RIMS2: variants seen among roughly 807,000 people sequenced by gnomAD.
RIMS2 encodes regulating synaptic membrane exocytosis 2, also known as regulating synaptic membrane exocytosis protein 2.
In RIMS2, 59 loss-of-function variants were observed where a neutral mutation model predicts 174.4. That is an observed-to-expected ratio of 0.34 (90% CI 0.27 to 0.42). RIMS2 has a LOEUF of 0.42. RIMS2 is among the 10% of genes least tolerant of loss of function. The pLI is 1.00. For synonymous variants in RIMS2, 606 were observed against 572.5 expected (o/e 1.06, Z -0.84); for missense variants, 1,620 against 1,666.3 (o/e 0.97, Z 0.48).
intron 1 of RIMS2, among the ~76,000 whole-genome samples, chr8:103,614,072 C>A (rs1029047668): frequency 1.3e-5 from 2 of 152,216 alleles, no homozygotes; most frequent in African/African-American, 4.8e-5. Flanking sequence ...CCTCCTTAGT[C>A]CTCTGGCTCT....
chr8:104,220,382 C>A (rs1174198757), intron 19 of RIMS2, among the ~76,000 whole-genome samples: 2 of 152,154 alleles, frequency 1.3e-5, no homozygotes. Context: ...AGACTAACTT[C>A]TTCTTGGTTC....
At chr8:104,161,229 G>A (rs770065304) in intron 19 of RIMS2, among the ~76,000 whole-genome samples, 1 of 152,080 alleles carries the variant, frequency 6.6e-6, no homozygotes, top group Admixed American at 6.6e-5. Context: ...ATTCCTTCCA[G>A]CATTGTTGCC....
chr8:104,227,278 G>GTT (rs60840616), intron 19 of RIMS2, among the ~76,000 whole-genome samples: 7 of 132,008 alleles, frequency 5.3e-5, no homozygotes, highest in African/African-American at 1.4e-4. Context: ...AATCTCTGAG[G>GTT]TTTTTTTTTT....
At chr8:103,585,605 C>T (rs2093871502) in intron 1 of RIMS2, among the ~76,000 whole-genome samples, 1 of 151,930 alleles carries the variant, frequency 6.6e-6, no homozygotes, top group African/African-American at 2.4e-5. Flanking sequence ...AGCTGGAAAC[C>T]ACCATTCTCA....
At chr8:104,238,265 A>G (rs745975030) in intron 19 of RIMS2, among the ~76,000 whole-genome samples, 9 of 151,944 alleles carry the variant, frequency 5.9e-5, no homozygotes, top group Non-Finnish European at 1.2e-4. Flanking sequence ...ACAGGGACAC[A>G]GGGAGGGGAA....
intron 1 of RIMS2, among the ~76,000 whole-genome samples, chr8:103,549,619 A>T (rs1846732040): frequency 6.6e-6 from 1 of 152,182 alleles, no homozygotes; most frequent in East Asian, 1.9e-4. Context: ...CACACATAAC[A>T]ATATTAACCT....
intron 19 of RIMS2, among the ~76,000 whole-genome samples, chr8:104,025,128 G>A (rs2096219873): frequency 6.6e-6 from 1 of 152,118 alleles, no homozygotes. Flanking sequence ...TTTATTATTT[G>A]CCGTGTAGAT....
intron 1 of RIMS2, among the ~76,000 whole-genome samples, chr8:103,593,659 G>T (rs184368104): frequency 6.6e-5 from 10 of 151,484 alleles, no homozygotes; most frequent in African/African-American, 1.9e-4. Context: ...CTTCTACTAA[G>T]CTAGACCTTA....
intron 14 of RIMS2, 61 bp from the exon 17 acceptor site, chr8:103,961,004 T>C: frequency 2.3e-6 from 2 of 865,356 alleles, no homozygotes; most frequent in Admixed American, 1.8e-5. Context: ...TTCAGGTGTT[T>C]GAGGAATTTT....
At chr8:103,779,303 T>C (rs1276708348) in intron 3 of RIMS2, among the ~76,000 whole-genome samples, 5 of 152,206 alleles carry the variant, frequency 3.3e-5, no homozygotes, top group Admixed American at 6.5e-5. Context: ...TTTGAGGCCT[T>C]ATTCAAAATC....
intron 1 of RIMS2, among the ~76,000 whole-genome samples, chr8:103,523,140 TGA>T (rs1832518439): frequency 2.0e-5 from 3 of 151,040 alleles, no homozygotes; most frequent in Admixed American, 2.0e-4. Context: ...GTGTGCAGTA[TGA>T]GAGATACAGA....
chr8:104,148,772 T>C, intron 19 of RIMS2: 1 of 1,598,422 alleles, frequency 6.3e-7, no homozygotes, highest in Non-Finnish European at 8.5e-7. Context: ...AGCGGCGCTC[T>C]AGCCTTGGTG....
intron 19 of RIMS2, among the ~76,000 whole-genome samples, chr8:104,204,769 G>A (rs1456694912): frequency 2.0e-5 from 3 of 152,178 alleles, no homozygotes; most frequent in Non-Finnish European, 4.4e-5. Context: ...TAAGAGGCTT[G>A]TATATAAGGA....
intron 1 of RIMS2, among the ~76,000 whole-genome samples, chr8:103,667,421 G>A (rs892615866): frequency 4.6e-5 from 7 of 152,232 alleles, no homozygotes; most frequent in South Asian, 2.1e-4. Flanking sequence ...AAAAGAGACC[G>A]CCCATCTGGA....
chr8:103,608,640 G>C (rs1271868626), intron 1 of RIMS2, among the ~76,000 whole-genome samples: 1 of 151,294 alleles, frequency 6.6e-6, no homozygotes, highest in Non-Finnish European at 1.5e-5. Flanking sequence ...AGCAATCAGC[G>C]AGACTCCGTG....
intron 10 of RIMS2, among the ~76,000 whole-genome samples, chr8:103,926,331 C>G (rs1428970268): frequency 6.6e-6 from 1 of 151,484 alleles, no homozygotes; most frequent in Admixed American, 6.6e-5. Flanking sequence ...TTATAATAGC[C>G]TGTGGTTATG....
intron 3 of RIMS2, among the ~76,000 whole-genome samples, chr8:103,808,476 G>T (rs1409798702): frequency 6.6e-6 from 1 of 152,066 alleles, no homozygotes; most frequent in African/African-American, 2.4e-5. Context: ...GCTTCCTAAA[G>T]TTATATCTTC....
chr8:103,553,078 C>T (rs1413582730), intron 1 of RIMS2, among the ~76,000 whole-genome samples: 3 of 152,088 alleles, frequency 2.0e-5, no homozygotes, highest in Non-Finnish European at 4.4e-5. Context: ...CCGTTTGACC[C>T]AGCCATCCTA....
At chr8:104,183,337 A>G (rs2098950508) in intron 19 of RIMS2, among the ~76,000 whole-genome samples, 1 of 151,756 alleles carries the variant, frequency 6.6e-6, no homozygotes, top group Non-Finnish European at 1.5e-5. Flanking sequence ...ACTAATTTAC[A>G]TAATTATTTT....
Sources: allele counts gnomAD v4.1 joint callset (sites outside exome capture counted in the v4.1 genomes callset), GRCh38; gene constraint gnomAD v4.1.1; transcripts MANE v1.5; gene names NCBI Gene and HGNC (gene_info 2026-07-23, HGNC 2026-07-21).